Variants in CLIC5 observed in about 807,000 individuals in gnomAD.
CLIC5 encodes the protein chloride intracellular channel protein 5.
CLIC5 carries 20 observed loss-of-function variants against 24.7 expected under a neutral mutation model. The ratio of observed to expected loss-of-function variants is 0.81; its 90% CI spans 0.57 to 1.18. The LOEUF (loss-of-function observed/expected upper bound fraction) is 1.18. Ranked by LOEUF, CLIC5 falls within the 50% of genes most tolerant of loss-of-function variation. The pLI, the probability that CLIC5 is intolerant of heterozygous loss-of-function variation, is 0.00. For missense variants in CLIC5, 341 were observed against 326.1 expected, an observed-to-expected ratio of 1.05 and a Z score of -0.35; for synonymous variants, 159 against 135.6, an observed-to-expected ratio of 1.17 and a Z score of -1.20.
intron 1 of CLIC5, among the ~76,000 whole-genome samples, chr6:46,067,295 T>C (rs1276577804): frequency 6.6e-6 from 1 of 151,824 alleles, no homozygotes; most frequent in Non-Finnish European, 1.5e-5. Flanking sequence ...GCTGATAGTC[T>C]GGTAAATTGC....
chr6:46,036,280 T>TTGTC (rs1767655204), intron 1 of CLIC5, among the ~76,000 whole-genome samples: 1 of 151,940 alleles, frequency 6.6e-6, no homozygotes, highest in Non-Finnish European at 1.5e-5. Flanking sequence ...CATTCTTGTC[T>TTGTC]TGTCTCCCCA....
chr6:46,094,545 C>A, the CLIC5 span, among the ~76,000 whole-genome samples: 1 of 152,222 alleles, frequency 6.6e-6, no homozygotes, highest in African/African-American at 2.4e-5. Context: ...GTCTGAAAAC[C>A]AGCAGGGCAG....
In CLIC5 at chr6:45,914,092, T is replaced by G. The variant is rs922422640; in HGVS notation, c.588+136A>C. 28 of 615,200 alleles carry G rather than the reference T, an allele frequency of 4.6e-5. No homozygotes were observed. In the South Asian group the frequency reaches 2.0e-3, roughly 44 times the overall value. The allele number at this position is 615,200 out of a possible 1,614,324, so 38.1% of individuals were successfully genotyped here. A position where few individuals can be genotyped will look rare whatever the true frequency, so the allele number is the denominator to read the frequency against. On this transcript the variant is annotated intron_variant, in intron 5 of 5. Coordinates refer to ENST00000339561, the MANE Select transcript of CLIC5 (RefSeq NM_016929.5). The stretch of plus-strand genomic sequence containing the variant: ...AGCCAACAAGCAGCAGAGGGTGACC[T>G]TGGGTCCTTATTACCTGACTTCAGG...
chr6:46,072,236 G>GA lies in CLIC5; in HGVS notation c.540+7466dup, dbSNP rs201677732. Among the ~76,000 whole-genome samples the GA allele has an allele frequency of 3.7e-3, 396 of 108,332 alleles. 1 individual carries two copies. Among genetic ancestry groups the GA allele is most frequent in the Admixed American group, 0.011 (115 of 10,340 alleles). The allele number at this position is 108,332 out of a possible 152,430, so 71.1% of individuals were successfully genotyped here. On this transcript the variant is annotated intron_variant, in intron 1 of 5. Coordinates refer to the CLIC5 transcript ENST00000185206. ...TGCTAATGTACCCCTGAACTTAAAA[G>GA]AAAAAAAAAAAAAAAGAAACACATG...
chr6:45,885,504 A>T (rs7450978), intron 6 of CLIC5, among the ~76,000 whole-genome samples: 91,469 of 151,832 alleles, frequency 0.6, 27,924 homozygotes, highest in East Asian at 0.78. Flanking sequence ...AAATATTTTT[A>T]AAAAATAGGT....
chr6:46,100,264 AAAAC>A, the CLIC5 span, among the ~76,000 whole-genome samples: 4 of 152,366 alleles, frequency 2.6e-5, no homozygotes, highest in East Asian at 1.9e-4. Context: ...TTGCCAGGAA[AAAAC>A]AAACAAACAA....
chr6:45,928,095 G>A (rs1440817242), intron 4 of CLIC5, among the ~76,000 whole-genome samples: 1 of 152,176 alleles, frequency 6.6e-6, no homozygotes, highest in Non-Finnish European at 1.5e-5. Flanking sequence ...CTTCCTGCAA[G>A]ACGGCGCTGG....
intron 6 of CLIC5, among the ~76,000 whole-genome samples, chr6:45,892,823 T>C (rs1762364704): frequency 6.6e-6 from 1 of 152,218 alleles, no homozygotes; most frequent in African/African-American, 2.4e-5. Flanking sequence ...TACTCAGAGC[T>C]CTCAGTGCAG....
intron 1 of CLIC5, among the ~76,000 whole-genome samples, chr6:46,066,242 C>T (rs1762440034): frequency 6.6e-6 from 1 of 152,184 alleles, no homozygotes; most frequent in South Asian, 2.1e-4. Context: ...CCAAAACCTG[C>T]TGCTGCTCAA....
intron 1 of CLIC5, among the ~76,000 whole-genome samples, chr6:45,988,094 C>T (rs1765804464): frequency 6.6e-6 from 1 of 152,172 alleles, no homozygotes; most frequent in Non-Finnish European, 1.5e-5. Flanking sequence ...TGAGGTGTGA[C>T]TCAACCTGAG....
chr6:46,082,010 AT>A (rs931426723), upstream of CLIC5, among the ~76,000 whole-genome samples: 60 of 152,334 alleles, frequency 3.9e-4, no homozygotes, highest in African/African-American at 1.4e-3. Context: ...ATACATATGC[AT>A]TTTGTACATT....
At chr6:45,897,196 A>G (rs1419542772), downstream of CLIC5, among the ~76,000 whole-genome samples, 2 of 152,064 alleles carry the variant, frequency 1.3e-5, no homozygotes, top group Non-Finnish European at 2.9e-5. Flanking sequence ...CAGGCCTCAT[A>G]CCCACAATCA....
intron 5 of CLIC5, chr6:45,912,716 C>A: frequency 6.5e-7 from 1 of 1,535,322 alleles, no homozygotes; most frequent in Non-Finnish European, 8.7e-7. Context: ...GGAATTATAT[C>A]ATCCCTTTCA....
At chr6:45,962,063 T>TACACACACACACAC (rs74732121) in intron 1 of CLIC5, among the ~76,000 whole-genome samples, 5 of 145,512 alleles carry the variant, frequency 3.4e-5, no homozygotes, top group African/African-American at 7.6e-5. Flanking sequence ...TATATGTACA[T>TACACACACACACAC]ACACACACAC....
At chr6:45,995,803 A>G (rs1289360971) in intron 1 of CLIC5, among the ~76,000 whole-genome samples, 1 of 152,202 alleles carries the variant, frequency 6.6e-6, no homozygotes, top group African/African-American at 2.4e-5. Flanking sequence ...GAATGAGACC[A>G]TGTCCTTTGC....
chr6:46,093,383 C>G, the CLIC5 span, among the ~76,000 whole-genome samples: 7 of 152,104 alleles, frequency 4.6e-5, no homozygotes, highest in Admixed American at 3.9e-4. Flanking sequence ...TTTGATTCAG[C>G]AGGTCTGGGA....
intron 5 of CLIC5, among the ~76,000 whole-genome samples, chr6:45,909,848 G>C (rs1762768046): frequency 6.6e-6 from 1 of 152,242 alleles, no homozygotes; most frequent in East Asian, 1.9e-4. Context: ...TTTTCAGAGA[G>C]GGCCCTAGAC....
chr6:46,117,481 A>G, the CLIC5 span, among the ~76,000 whole-genome samples: 1 of 152,228 alleles, frequency 6.6e-6, no homozygotes, highest in Non-Finnish European at 1.5e-5. Flanking sequence ...ACTCAACCCA[A>G]TTAAAATGTA....
At chr6:45,924,046 A>G (rs1763379229) in intron 4 of CLIC5, among the ~76,000 whole-genome samples, 1 of 152,216 alleles carries the variant, frequency 6.6e-6, no homozygotes. Context: ...GTTATGTACA[A>G]TGTGTATGTG....
Sources: gnomAD v4.1 joint callset for allele counts (sites outside exome capture counted in the v4.1 genomes callset) on GRCh38, gnomAD v4.1.1 for gene constraint, MANE v1.5 for transcripts, NCBI Gene and HGNC (gene_info 2026-07-23, HGNC 2026-07-21) for gene names.